The following SLC6A18 variants were observed in gnomAD, a reference collection of about 807,000 sequenced individuals.
SLC6A18 encodes inactive sodium-dependent neutral amino acid transporter B(0)AT3.
SLC6A18 carries 58 observed loss-of-function variants against 62.9 expected under a neutral mutation model. The ratio of observed to expected loss-of-function variants is 0.92; its 90% confidence interval spans 0.75 to 1.15. The LOEUF (loss-of-function observed/expected upper bound fraction) is 1.15, where lower values mean the gene tolerates loss of function less well. Among genes scored for constraint, SLC6A18 ranks in the 50% most tolerant of loss-of-function variants. The pLI is 0.00. For synonymous variants in SLC6A18, 382 were observed against 365.8 expected (o/e 1.04, Z -0.51); for missense variants, 793 against 836.6 (o/e 0.95, Z 0.64).
At position 1,232,172 on chromosome 5, in the gene SLC6A18, C is replaced by T. The variant is rs772575320; in HGVS notation, c.161-47C>T. 2.5e-6 allele frequency: 4 copies of T among 1,576,958 alleles called. No homozygotes were observed. In the East Asian group the frequency reaches 9.2e-5, roughly 36 times the overall value. On this transcript the variant is annotated intron_variant, in intron 1 of 11. Coordinates refer to ENST00000324642, the MANE Select transcript of SLC6A18 (RefSeq NM_182632.3). ...TCCCCCTGGCCCACGCCACAGTCCC[C>T]CCCAGCCCCCGACCCTGGGCAGGTG...
chr5:1,239,838 G>A (rs542181647), intron 6 of SLC6A18, among the ~76,000 whole-genome samples: 100 of 152,346 alleles, frequency 6.6e-4, no homozygotes, highest in Non-Finnish European at 9.3e-4. Context: ...AAGCCTCAAT[G>A]GTCACCTGAA....
intron 3 of SLC6A18, 115 bp from the exon 4 acceptor site, chr5:1,235,366 C>A: frequency 3.0e-6 from 3 of 990,814 alleles, no homozygotes; most frequent in South Asian, 1.7e-5. Flanking sequence ...AGTGAAAGGG[C>A]ACCTCAGCCC....
At chr5:1,240,803 G>A in intron 7 of SLC6A18, 144 bp downstream of exon 7, 1 of 1,192,108 alleles carries the variant, frequency 8.4e-7, no homozygotes, top group East Asian at 2.5e-5. Flanking sequence ...GTCCCCAGAA[G>A]GTCACTTCCA....
intron 1 of SLC6A18, among the ~76,000 whole-genome samples, chr5:1,230,143 A>AGGTG: frequency 7.4e-6 from 1 of 134,874 alleles, no homozygotes; most frequent in Admixed American, 7.6e-5. Flanking sequence ...AGGGGCTTTC[A>AGGTG]CAGTGCAGGC....
intron 11 of SLC6A18, among the ~76,000 whole-genome samples, chr5:1,245,160 G>A (rs375751187): frequency 1.5e-4 from 23 of 152,274 alleles, no homozygotes; most frequent in African/African-American, 5.1e-4. Flanking sequence ...GCCCATTCCT[G>A]GTCTGTGACA....
intron 8 of SLC6A18, 70 bp downstream of exon 8, chr5:1,242,933 T>G: frequency 6.8e-7 from 1 of 1,475,484 alleles, no homozygotes; most frequent in Non-Finnish European, 9.1e-7. Context: ...ACTGGCTGTG[T>G]CCCACTGCCA....
At chr5:1,232,175 C>A (rs761235593) in intron 1 of SLC6A18, 44 bp from the exon 2 acceptor site, 1 of 1,582,598 alleles carries the variant, frequency 6.3e-7, no homozygotes. Flanking sequence ...CAGTCCCCCC[C>A]AGCCCCCGAC....
Position 1,243,502 on chromosome 5 carries a change from G to A in SLC6A18, c.1132-53G>A, listed in dbSNP as rs973036624. On this transcript the variant is annotated intron_variant, in intron 8 of 11. Coordinates refer to ENST00000324642, the MANE Select transcript of SLC6A18 (RefSeq NM_182632.3). This position sits in a 1 kb window ranked among gnomAD's most constrained non-coding sequence, Gnocchi z 6.5. ...GTGTCCTGCAGGCAGGCGTGTGTGT[G>A]TGGTGGAGTGTGTGTGTGCGTGGCC... 1.0e-5 allele frequency: 16 copies of A among 1,575,578 alleles called. No homozygotes were observed. Among genetic ancestry groups the A allele is most frequent in the Non-Finnish European group, 1.4e-5 (16 of 1,153,230 alleles).
intron 7 of SLC6A18, among the ~76,000 whole-genome samples, chr5:1,240,877 G>A (rs977627559): frequency 2.6e-5 from 4 of 152,204 alleles, no homozygotes; most frequent in Admixed American, 6.5e-5. Context: ...AAGTAGGATC[G>A]GTCTCTCTGG....
At chr5:1,245,586 T>C (rs1452691060) in intron 11 of SLC6A18, among the ~76,000 whole-genome samples, 1 of 152,128 alleles carries the variant, frequency 6.6e-6, no homozygotes, top group East Asian at 1.9e-4. Context: ...ATGTAGCCCC[T>C]CTGGTTCCAG....
intron 5 of SLC6A18, 69 bp downstream of exon 5, chr5:1,238,129 C>A: frequency 8.1e-7 from 1 of 1,235,224 alleles, no homozygotes; most frequent in Non-Finnish European, 1.2e-6. Flanking sequence ...CCAGCAGCTC[C>A]CTCCCTCACC....
intron 1 of SLC6A18, among the ~76,000 whole-genome samples, chr5:1,228,214 C>T (rs1746632991): frequency 6.6e-6 from 1 of 152,158 alleles, no homozygotes. Flanking sequence ...CTTCGGCGCT[C>T]CCTTGGCCCT....
chr5:1,240,069 T>C (rs967969353), intron 6 of SLC6A18, among the ~76,000 whole-genome samples: 13 of 152,166 alleles, frequency 8.5e-5, no homozygotes, highest in African/African-American at 2.9e-4. Context: ...GGTTGGTCCC[T>C]GGGCAGCTCT....
chr5:1,225,856 G>A (rs569140852), intron 1 of SLC6A18, among the ~76,000 whole-genome samples: 1 of 152,308 alleles, frequency 6.6e-6, no homozygotes, highest in African/African-American at 2.4e-5. Context: ...ACAGCACGGA[G>A]GATCCAGTCC....
In SLC6A18 at chr5:1,232,766, C is replaced by T. The variant is rs757737380; in HGVS notation, c.317C>T (p.Thr106Met). The change falls in exon 3 of 12, where the codon ACG (threonine) becomes ATG (methionine). Residue 106 changes from threonine (T) to methionine (M), a missense_variant. Thr to Met is a moderately conservative substitution (Grantham distance 81). Transcript: ENST00000324642. ...CTGTCCACAGGGCTGGGCTGTGTCACGCTGTCCTTCCTGATCAGCCTGTAC... is the reference window on the plus strand; with the variant it reads ...CTGTCCACAGGGCTGGGCTGTGTCATGCTGTCCTTCCTGATCAGCCTGTAC... Reference protein sequence around the residue: ...YLSGVGLGCVTLSFLISLYYN... With the variant: ...YLSGVGLGCVMLSFLISLYYN... 4.1e-5 allele frequency: 66 copies of T among 1,613,062 alleles called. No homozygotes were observed. The highest frequency in any genetic ancestry group is 1.7e-4 in the Middle Eastern group (1 of 6,060).
chr5:1,232,604 A>G, intron 2 of SLC6A18, 147 bp from the exon 3 acceptor site: 1 of 1,203,714 alleles, frequency 8.3e-7, no homozygotes, highest in South Asian at 1.6e-5. Context: ...TGCCATTCAC[A>G]TGTGAGGTGT....
At chr5:1,228,249 G>A (rs1746634424) in intron 1 of SLC6A18, among the ~76,000 whole-genome samples, 1 of 152,214 alleles carries the variant, frequency 6.6e-6, no homozygotes. Flanking sequence ...ACTGCCCGGG[G>A]GGAGTTTCCA....
intron 7 of SLC6A18, 69 bp from the exon 8 acceptor site, chr5:1,242,638 A>G (rs1747093081): frequency 1.9e-6 from 3 of 1,539,854 alleles, no homozygotes; most frequent in Non-Finnish European, 2.6e-6. Flanking sequence ...TCGCAGCACC[A>G]ACCAAGGGTT....
intron 1 of SLC6A18, among the ~76,000 whole-genome samples, chr5:1,226,377 C>T (rs1211327056): frequency 1.3e-5 from 2 of 152,302 alleles, no homozygotes; most frequent in Non-Finnish European, 1.5e-5. Flanking sequence ...TACAACATCA[C>T]GCATGGACAC....
Sources: allele counts gnomAD v4.1 joint callset (sites outside exome capture counted in the v4.1 genomes callset), GRCh38; gene constraint gnomAD v4.1.1; non-coding constraint Gnocchi (gnomAD v3.1); transcripts MANE v1.5; gene names NCBI Gene and HGNC (gene_info 2026-07-23, HGNC 2026-07-21).